The following TATDN1 variants were observed in gnomAD, a reference collection of about 807,000 sequenced individuals.
TATDN1 encodes deoxyribonuclease TATDN1.
A neutral mutation model predicts 46.4 loss-of-function variants in TATDN1; 40 were observed. That is an observed-to-expected ratio of 0.86 (90% CI 0.67 to 1.12). The LOEUF is 1.12. TATDN1 is among the 50% of genes most tolerant of loss of function. TATDN1 has a pLI of 0.00. For synonymous variants in TATDN1, 95 were observed against 105.6 expected (o/e 0.90, Z 0.62); for missense variants, 326 against 348.4 (o/e 0.94, Z 0.51).
At chr8:124,518,240 A>T (rs4871495) in intron 4 of TATDN1, among the ~76,000 whole-genome samples, 11,192 of 118,888 alleles carry the variant, frequency 0.094, 837 homozygotes, top group South Asian at 0.34. Flanking sequence ...AAAAAAAAAA[A>T]AAGGCCGGGT....
At chr8:124,526,722 T>A (rs1563686072) in intron 1 of TATDN1, 1 of 152,212 alleles carries the variant, frequency 6.6e-6, no homozygotes, top group Non-Finnish European at 1.5e-5. Flanking sequence ...AAAGTAAGAG[T>A]AGAAAACGGC....
At chr8:124,525,089 T>C (rs1763367518) in intron 1 of TATDN1, among the ~76,000 whole-genome samples, 1 of 152,098 alleles carries the variant, frequency 6.6e-6, no homozygotes, top group Admixed American at 6.5e-5. Context: ...ATGTAGACAG[T>C]GGTAATCACA....
intron 9 of TATDN1, chr8:124,503,924 G>A (rs1226916324): frequency 1.5e-6 from 2 of 1,299,312 alleles, no homozygotes; most frequent in African/African-American, 3.0e-5. Flanking sequence ...TCCATAGTCA[G>A]ATATGACGTG....
chr8:124,523,041 C>T (rs1432871065), intron 1 of TATDN1, 39 bp from the exon 2 acceptor site: 1 of 1,542,902 alleles, frequency 6.5e-7, no homozygotes, highest in East Asian at 2.2e-5. Context: ...TATTGAGTCT[C>T]TACATGAAAC....
At chr8:124,516,804 G>T (rs950075717) in intron 4 of TATDN1, among the ~76,000 whole-genome samples, 7 of 152,190 alleles carry the variant, frequency 4.6e-5, no homozygotes, top group African/African-American at 1.7e-4. Context: ...AGTAAATGAG[G>T]TTCACTTATT....
intron 2 of TATDN1, 27 bp downstream of exon 2, chr8:124,522,910 A>G (rs1820174177): frequency 1.3e-6 from 2 of 1,595,882 alleles, no homozygotes; most frequent in African/African-American, 2.7e-5. Flanking sequence ...ATAGGAAACT[A>G]TTCGCCTTAA....
chr8:124,518,738 G>A (rs1165015835), intron 4 of TATDN1, 80 bp downstream of exon 4: 1 of 961,374 alleles, frequency 1.0e-6, no homozygotes, highest in Admixed American at 1.8e-5. Flanking sequence ...CCATTGTATT[G>A]TACCTGAAGC....
intron 9 of TATDN1, among the ~76,000 whole-genome samples, chr8:124,499,885 C>G (rs1817802228): frequency 1.4e-5 from 2 of 147,026 alleles, no homozygotes; most frequent in South Asian, 4.4e-4. Flanking sequence ...TGGTCTGTTG[C>G]CCAGGCTGGA....
intron 1 of TATDN1, among the ~76,000 whole-genome samples, chr8:124,527,516 G>A (rs540188429): frequency 7.2e-5 from 11 of 152,084 alleles, no homozygotes; most frequent in Admixed American, 2.6e-4. Flanking sequence ...TCTATTTAAC[G>A]CTTACAAAAA....
In TATDN1 at chr8:124,522,148, T is replaced by A; in HGVS notation, c.138+3A>T. On this transcript the variant is annotated splice_donor_region_variant and intron_variant, in intron 3 of 11. Transcript: ENST00000276692. ...ATCTCAAAAATAACAAAATGGATGT[T>A]ACCTTTTTAACACCAATCTCGACAG... 1 of 1,577,872 alleles carries A rather than the reference T, an allele frequency of 6.3e-7. No homozygotes were observed. The highest frequency in any genetic ancestry group is 8.6e-7 in the Non-Finnish European group (1 of 1,156,286).
chr8:124,517,284 T>C (rs772224708), intron 4 of TATDN1, among the ~76,000 whole-genome samples: 1 of 152,004 alleles, frequency 6.6e-6, no homozygotes, highest in Non-Finnish European at 1.5e-5. Context: ...AAAAATTAGC[T>C]GGGTGTGGTG....
chr8:124,498,951 C>CTT lies in TATDN1; in HGVS notation c.594-3411_594-3410dup, dbSNP rs77795578. ...AGGCATGAGCCACTGCGCCTGGCCT[C>CTT]TTTTTTTTTTTTTTTTTTTAATTTA... On this transcript the variant is annotated intron_variant, in intron 9 of 11. Transcript: ENST00000276692. 1.8e-3 allele frequency among the ~76,000 whole-genome samples: 234 copies of CTT among 132,352 alleles called. 1 individual carries two copies. The highest frequency in any genetic ancestry group is 8.5e-3 in the East Asian group (39 of 4,604). 86.8% of individuals were successfully genotyped at this position (132,352 alleles called of 152,430 possible). A position where few individuals can be genotyped will look rare whatever the true frequency, so the allele number is the denominator to read the frequency against.
At position 124,519,023 on chromosome 8, in the gene TATDN1, G is replaced by GCATA. The variant is rs1333508305; in HGVS notation, c.139-143_139-142insTATG. The stretch of plus-strand genomic sequence containing the variant: ...CACACCTACCCTTTAAAATTCAGCT[G>GCATA]GGAGATTACCTCCTATGCAGAGTAG... On this transcript the variant is annotated intron_variant, in intron 3 of 11. Coordinates refer to ENST00000276692, the MANE Select transcript of TATDN1 (RefSeq NM_032026.4). 6.4e-6 allele frequency: 4 copies of GCATA among 621,410 alleles called. No individual in the cohort carries two copies. The Admixed American group carries it at 8.6e-5, about 13-fold the overall frequency. 38.5% of individuals were successfully genotyped at this position (621,410 alleles called of 1,614,324 possible).
At chr8:124,504,912 A>C (rs1459540343) in intron 8 of TATDN1, among the ~76,000 whole-genome samples, 1 of 149,094 alleles carries the variant, frequency 6.7e-6, no homozygotes. Flanking sequence ...ACGCCTGGCT[A>C]ATTTTGTATT....
chr8:124,516,066 G>A, intron 4 of TATDN1, 36 bp from the exon 5 acceptor site: 1 of 1,511,488 alleles, frequency 6.6e-7, no homozygotes, highest in East Asian at 2.4e-5. Context: ...TATTTTCAAA[G>A]TATTTTCTCA....
intron 6 of TATDN1, 53 bp downstream of exon 6, chr8:124,515,693 T>C: frequency 6.5e-7 from 1 of 1,532,888 alleles, no homozygotes; most frequent in Non-Finnish European, 9.0e-7. Flanking sequence ...CAAGATATTT[T>C]AAAAATCACT....
intron 6 of TATDN1, 64 bp downstream of exon 6, chr8:124,515,682 A>C: frequency 6.7e-7 from 1 of 1,490,148 alleles, no homozygotes; most frequent in Non-Finnish European, 9.3e-7. Flanking sequence ...CTCACCTGAT[A>C]CAAGATATTT....
intron 1 of TATDN1, among the ~76,000 whole-genome samples, chr8:124,535,350 A>G (rs1013169757): frequency 6.6e-6 from 1 of 152,232 alleles, no homozygotes; most frequent in Admixed American, 6.5e-5. Flanking sequence ...GTGGCCCTCA[A>G]AGTCTAAAAT....
Position 124,535,388 on chromosome 8 carries a change from A to G in TATDN1, c.22+3637T>C, listed in dbSNP as rs183566654. On this transcript the variant is annotated intron_variant, in intron 1 of 11. Coordinates refer to ENST00000276692, the MANE Select transcript of TATDN1 (RefSeq NM_032026.4). ...TTACTATATGGCCCTTTAAGGAAAA[A>G]GTTTGCAAACCTCTGCACTTGATTC... is the stretch of plus-strand genomic sequence containing the variant. 3.1e-3 allele frequency among the ~76,000 whole-genome samples: 475 copies of G among 152,332 alleles called. 1 individual carries two copies. The highest frequency in any genetic ancestry group is 5.6e-3 in the Non-Finnish European group (380 of 68,030).
Sources: gnomAD v4.1 joint callset for allele counts (sites outside exome capture counted in the v4.1 genomes callset) on GRCh38, gnomAD v4.1.1 for gene constraint, MANE v1.5 for transcripts, NCBI Gene and HGNC (gene_info 2026-07-23, HGNC 2026-07-21) for gene names.